The following LRRTM4 variants were observed in gnomAD, a reference collection of about 807,000 sequenced individuals.
LRRTM4 encodes leucine rich repeat transmembrane neuronal 4, also known as leucine-rich repeat transmembrane neuronal protein 4.
Under a neutral mutation model 47.6 loss-of-function variants are expected in LRRTM4, and 25 were observed. That is an observed-to-expected ratio of 0.53 (90% CI 0.38 to 0.73). The LOEUF (loss-of-function observed/expected upper bound fraction) is 0.73. LRRTM4 is among the 30% of genes least tolerant of loss of function. The probability of loss-of-function intolerance (pLI) is 0.00; values close to 1 mark genes in which losing one functional copy is unlikely to be tolerated. For synonymous variants in LRRTM4, 311 were observed against 269.5 expected (o/e 1.15, Z -1.51); for missense variants, 638 against 713.4 (o/e 0.89, Z 1.20).
chr2:76,844,509 G>A (rs1671782188), intron 3 of LRRTM4, among the ~76,000 whole-genome samples: 1 of 151,972 alleles, frequency 6.6e-6, no homozygotes, highest in Non-Finnish European at 1.5e-5. Context: ...CATCTTTTCT[G>A]TTTTTCAATT....
intron 3 of LRRTM4, among the ~76,000 whole-genome samples, chr2:76,795,347 T>C (rs181733007): frequency 7.1e-4 from 108 of 152,292 alleles, no homozygotes; most frequent in African/African-American, 2.5e-3. Flanking sequence ...CTGTGAGTTC[T>C]ATATCCATGA....
At chr2:77,169,013 G>T (rs948353606) in intron 3 of LRRTM4, among the ~76,000 whole-genome samples, 1 of 152,118 alleles carries the variant, frequency 6.6e-6, no homozygotes, top group African/African-American at 2.4e-5. Context: ...AAAAGCATTT[G>T]ATATAATTCA....
chr2:77,091,251 C>G (rs1337169711), intron 3 of LRRTM4, among the ~76,000 whole-genome samples: 2 of 150,600 alleles, frequency 1.3e-5, no homozygotes, highest in Non-Finnish European at 2.9e-5. Flanking sequence ...TTGTATCCCC[C>G]CACCTTAACC....
chr2:77,452,060 T>C (rs1676274221), intron 3 of LRRTM4, among the ~76,000 whole-genome samples: 1 of 151,950 alleles, frequency 6.6e-6, no homozygotes, highest in African/African-American at 2.4e-5. Flanking sequence ...ATGTAGCTTC[T>C]CCTTATAGAC....
intron 3 of LRRTM4, among the ~76,000 whole-genome samples, chr2:77,478,685 G>T (rs758705306): frequency 7.9e-5 from 12 of 152,102 alleles, no homozygotes; most frequent in Non-Finnish European, 1.8e-4. Flanking sequence ...GATTCAACTA[G>T]ATAAAATGAA....
At chr2:76,890,533 AAT>A (rs1376041532) in intron 3 of LRRTM4, among the ~76,000 whole-genome samples, 4 of 151,994 alleles carry the variant, frequency 2.6e-5, no homozygotes. Context: ...TTAACACTTT[AAT>A]ATGTTTGTGC....
At chr2:77,026,985 C>A (rs544256464) in intron 3 of LRRTM4, among the ~76,000 whole-genome samples, 1 of 152,086 alleles carries the variant, frequency 6.6e-6, no homozygotes, top group African/African-American at 2.4e-5. Flanking sequence ...CATTAGAAAT[C>A]TGGAACAGAA....
At chr2:77,047,494 G>A (rs1215463613) in intron 3 of LRRTM4, among the ~76,000 whole-genome samples, 3 of 151,952 alleles carry the variant, frequency 2.0e-5, no homozygotes, top group Non-Finnish European at 2.9e-5. Context: ...GCCCCTCCGT[G>A]CACTTCCGGT....
chr2:77,014,341 A>G (rs1677979231), intron 3 of LRRTM4, among the ~76,000 whole-genome samples: 1 of 152,094 alleles, frequency 6.6e-6, no homozygotes, highest in Non-Finnish European at 1.5e-5. Flanking sequence ...ATATTAATTT[A>G]TTATAAAAAG....
intron 3 of LRRTM4, among the ~76,000 whole-genome samples, chr2:77,297,154 T>G (rs1466959165): frequency 6.6e-6 from 1 of 152,156 alleles, no homozygotes; most frequent in African/African-American, 2.4e-5. Flanking sequence ...TTGTTTTTGT[T>G]TCCGTTTTGT....
At chr2:76,772,942 C>G (rs1379654262) in intron 3 of LRRTM4, 1 of 152,156 alleles carries the variant, frequency 6.6e-6, no homozygotes, top group Non-Finnish European at 1.5e-5. Flanking sequence ...TGCGCCTGAT[C>G]TCATCTGATC....
At chr2:76,896,412 T>G (rs1224309754) in intron 3 of LRRTM4, among the ~76,000 whole-genome samples, 1 of 152,108 alleles carries the variant, frequency 6.6e-6, no homozygotes, top group Non-Finnish European at 1.5e-5. Flanking sequence ...CATATTTTAA[T>G]TTCTACTTGA....
At chr2:77,307,393 T>A (rs1677311382) in intron 3 of LRRTM4, among the ~76,000 whole-genome samples, 1 of 151,102 alleles carries the variant, frequency 6.6e-6, no homozygotes, top group South Asian at 2.1e-4. Flanking sequence ...TTAAGAAACA[T>A]CAAATAGATT....
chr2:76,758,445 A>G (rs1673141284), intron 3 of LRRTM4, among the ~76,000 whole-genome samples: 1 of 152,164 alleles, frequency 6.6e-6, no homozygotes, highest in African/African-American at 2.4e-5. Flanking sequence ...CAGTGAAATG[A>G]TTACCATGAG....
intron 3 of LRRTM4, among the ~76,000 whole-genome samples, chr2:76,897,898 T>A (rs943205382): frequency 6.6e-6 from 1 of 152,170 alleles, no homozygotes; most frequent in Non-Finnish European, 1.5e-5. Context: ...ATAAGACGTT[T>A]TCCATACTGG....
At chr2:76,771,463 A>G (rs1182518766) in intron 3 of LRRTM4, among the ~76,000 whole-genome samples, 1 of 152,126 alleles carries the variant, frequency 6.6e-6, no homozygotes, top group African/African-American at 2.4e-5. Context: ...GTGAGGTGGG[A>G]CAGTAGCAAG....
At chr2:77,452,798 G>A (rs1212709175) in intron 3 of LRRTM4, among the ~76,000 whole-genome samples, 3 of 152,116 alleles carry the variant, frequency 2.0e-5, no homozygotes, top group Admixed American at 6.5e-5. Flanking sequence ...TAACTAAAAT[G>A]ATGGCTTTTT....
At chr2:77,216,404 C>T (rs532059790) in intron 3 of LRRTM4, among the ~76,000 whole-genome samples, 6 of 152,030 alleles carry the variant, frequency 3.9e-5, no homozygotes, top group East Asian at 1.9e-4. Context: ...CGGTAGCTCA[C>T]GCCTGTAATC....
At chr2:76,924,630 A>G (rs1279050252) in intron 3 of LRRTM4, among the ~76,000 whole-genome samples, 1 of 151,056 alleles carries the variant, frequency 6.6e-6, no homozygotes, top group East Asian at 1.9e-4. Flanking sequence ...CACTACTGAT[A>G]TATTATGAAA....
Sources: gnomAD v4.1 joint callset for allele counts (sites outside exome capture counted in the v4.1 genomes callset) on GRCh38, gnomAD v4.1.1 for gene constraint, MANE v1.5 for transcripts, NCBI Gene and HGNC (gene_info 2026-07-23, HGNC 2026-07-21) for gene names.